The following CTDSP1 variants were observed in gnomAD, a reference collection of about 807,000 sequenced individuals.
The protein encoded by CTDSP1 is carboxy-terminal domain RNA polymerase II polypeptide A small phosphatase 1.
Under a neutral mutation model 32.5 loss-of-function variants are expected in CTDSP1, and 15 were observed. That is an observed-to-expected ratio of 0.46 (90% CI 0.31 to 0.71). CTDSP1 has a LOEUF of 0.71. CTDSP1 is among the 30% of genes least tolerant of loss of function. The pLI, the probability that CTDSP1 is intolerant of heterozygous loss-of-function variation, is 0.05. For synonymous variants in CTDSP1, 185 were observed against 145.4 expected, an observed-to-expected ratio of 1.27 and a Z score of -1.96; for missense variants, 294 against 351.1, an observed-to-expected ratio of 0.84 and a Z score of 1.30.
At chr2:218,402,995 C>A in intron 4 of CTDSP1, 40 bp from the exon 5 acceptor site, 1 of 1,494,370 alleles carries the variant, frequency 6.7e-7, no homozygotes, top group Non-Finnish European at 9.3e-7. Context: ...CCCCACACTG[C>A]CCCACTGGCC....
upstream of CTDSP1, among the ~76,000 whole-genome samples, chr2:218,397,472 C>T (rs1157629795): frequency 6.6e-6 from 1 of 152,190 alleles, no homozygotes; most frequent in Non-Finnish European, 1.5e-5. Flanking sequence ...GGCTCCCCGC[C>T]TCCCCCTGGG....
intron 1 of CTDSP1, 154 bp from the exon 2 acceptor site, chr2:218,401,410 G>T (rs1008016951): frequency 6.5e-6 from 5 of 773,500 alleles, no homozygotes; most frequent in Admixed American, 5.5e-5. Context: ...CCCTGACAGG[G>T]GCGTTTCAGA....
In CTDSP1 at chr2:218,403,029, C is replaced by T. The variant is rs193256483; in HGVS notation, c.379-6C>T. 1.3e-4 allele frequency: 204 copies of T among 1,613,428 alleles called. No individual in the cohort carries two copies. In the African/African-American group the frequency reaches 2.3e-3, roughly 19 times the overall value. ...CCCGCAGCCCCCTCACTGGCCCGCC[C>T]CCCAGGTCTACGTGTTGAAGCGTCC... is the stretch of plus-strand genomic sequence containing the variant. On this transcript the variant is annotated splice_polypyrimidine_tract_variant and splice_region_variant and intron_variant, in intron 4 of 6. Transcript: ENST00000273062.
intron 6 of CTDSP1, 57 bp from the exon 7 acceptor site, chr2:218,404,240 G>A (rs1697303001): frequency 4.4e-6 from 7 of 1,592,042 alleles, no homozygotes; most frequent in African/African-American, 1.3e-5. Flanking sequence ...GGCTGGCCTG[G>A]AAATTCTGCA....
chr2:218,400,839 G>T (rs979865227), intron 1 of CTDSP1: 1 of 455,772 alleles, frequency 2.2e-6, no homozygotes, highest in Admixed American at 2.4e-5. Context: ...GGCCGGGGTG[G>T]GGGGGTCTGT....
Position 218,400,117 on chromosome 2 carries a change from G to C in CTDSP1, c.27G>C (p.Gln9His). 2 of 1,545,164 alleles carry C rather than the reference G, an allele frequency of 1.3e-6. No homozygotes were observed. Among genetic ancestry groups the C allele is most frequent in the Non-Finnish European group, 1.7e-6 (2 of 1,145,092 alleles). ...TGGACAGCTCGGCCGTCATTACTCA[G>C]ATCAGCAAGGAGGAGGCTCGGGGCC... MDSSAVITQISKEEARGPL... is the reference protein window; with the variant it reads MDSSAVITHISKEEARGPL... The change falls in exon 1 of 7, where the codon CAG becomes CAC. Residue 9 changes from glutamine to histidine, a missense_variant. Gln to His is a conservative substitution (Grantham distance 24, BLOSUM62 0). This residue lies in a region of CTDSP1 where 148 missense variants were observed against 113.3 expected (regional missense o/e 1.31). Coordinates refer to ENST00000273062, the MANE Select transcript of CTDSP1 (RefSeq NM_021198.3).
intron 1 of CTDSP1, chr2:218,400,943 A>C: frequency 2.2e-6 from 1 of 450,048 alleles, no homozygotes; most frequent in Non-Finnish European, 4.5e-6. Flanking sequence ...AACTGAGGGC[A>C]AGGTGGAAAG....
upstream of CTDSP1, among the ~76,000 whole-genome samples, chr2:218,397,189 G>C (rs1441609644): frequency 6.6e-6 from 1 of 152,152 alleles, no homozygotes; most frequent in African/African-American, 2.4e-5. Context: ...AAGACACGGA[G>C]ACCCGGCTAA....
chr2:218,400,920 C>G (rs1208551737), intron 1 of CTDSP1: 1 of 445,468 alleles, frequency 2.2e-6, no homozygotes, highest in Non-Finnish European at 4.5e-6. Flanking sequence ...TCGCCTGGGT[C>G]TGGCTGCCCC....
At chr2:218,402,850 A>G in intron 4 of CTDSP1, 185 bp from the exon 5 acceptor site, 1 of 662,740 alleles carries the variant, frequency 1.5e-6, no homozygotes. Flanking sequence ...GGAAGTTTTG[A>G]TCGTTTTCTG....
upstream of CTDSP1, chr2:218,399,655 C>T: frequency 1.1e-6 from 1 of 878,288 alleles, no homozygotes. Flanking sequence ...GCCGGGCCTG[C>T]CACGCAGCCG....
chr2:218,400,109 A>G lies in CTDSP1; in HGVS notation c.19A>G (p.Ile7Val), dbSNP rs919485493. MDSSAV[I>V]TQISKEEARG... Reference sequence around the variant, plus strand: ...CGGCCCCATGGACAGCTCGGCCGTCATTACTCAGATCAGCAAGGAGGAGGC... The same window carrying G: ...CGGCCCCATGGACAGCTCGGCCGTCGTTACTCAGATCAGCAAGGAGGAGGC... The change falls in exon 1 of 7, where the codon ATT becomes GTT. Residue 7 changes from isoleucine to valine, a missense_variant. By Grantham distance (29) the Ile-to-Val change is conservative (BLOSUM62 3). Coordinates refer to ENST00000273062, the MANE Select transcript of CTDSP1 (RefSeq NM_021198.3). The G allele has an allele frequency of 2.3e-5, 36 of 1,541,660 alleles. No individual in the cohort carries two copies. The highest frequency in any genetic ancestry group is 1.9e-4 in the Middle Eastern group (1 of 5,170).
chr2:218,402,068 G>A, intron 2 of CTDSP1, 43 bp from the exon 3 acceptor site: 1 of 1,373,676 alleles, frequency 7.3e-7, no homozygotes, highest in Non-Finnish European at 1.0e-6. Flanking sequence ...GGAAGGACCA[G>A]GCCCGGAGAG....
At position 218,400,398 on chromosome 2, in the gene CTDSP1, G is replaced by T. The variant is rs1300104861; in HGVS notation, c.67+241G>T. ...GCTCGAGGTGAGGAAACTGAGGCAGGAATAGAGAGGGAACTCTTCGGGGGT... is the reference window on the plus strand; with the variant it reads ...GCTCGAGGTGAGGAAACTGAGGCAGTAATAGAGAGGGAACTCTTCGGGGGT... On this transcript the variant is annotated intron_variant, in intron 1 of 6. Transcript: ENST00000273062. 1.0e-5 allele frequency: 6 copies of T among 582,150 alleles called. No homozygotes were observed. The African/African-American group carries it at 1.4e-4, about 13-fold the overall frequency. The allele number at this position is 582,150 out of a possible 1,614,324, so 36.1% of individuals were successfully genotyped here. A position where few individuals can be genotyped will look rare whatever the true frequency, so the allele number is the denominator to read the frequency against.
upstream of CTDSP1, chr2:218,398,943 G>T (rs115181895): frequency 6.6e-6 from 1 of 152,302 alleles, no homozygotes; most frequent in African/African-American, 2.4e-5. Context: ...GGCCTTGAGG[G>T]CCTCTGGTTT....
At position 218,403,340 on chromosome 2, in the gene CTDSP1, C is replaced by T; in HGVS notation, c.580C>T (p.Arg194Trp). The change falls in exon 6 of 7, where the codon CGG (arginine) becomes TGG (tryptophan). Residue 194 changes from arginine to tryptophan, a missense_variant. Coordinates refer to ENST00000273062, the MANE Select transcript of CTDSP1 (RefSeq NM_021198.3). Reference sequence around the variant, plus strand: ...GGGGAACTACGTGAAGGACCTGAGCCGGTTGGGTCGAGACCTGCGGCGGGT... The same window carrying T: ...GGGGAACTACGTGAAGGACCTGAGCTGGTTGGGTCGAGACCTGCGGCGGGT... ...HRGNYVKDLS[R>W]LGRDLRRVLI... 2 of 1,614,090 alleles carry T rather than the reference C, an allele frequency of 1.2e-6. No individual in the cohort carries two copies. The highest frequency in any genetic ancestry group is 8.5e-7 in the Non-Finnish European group (1 of 1,179,992).
chr2:218,400,214 G>A (rs1697042202), intron 1 of CTDSP1, 57 bp downstream of exon 1: 2 of 1,474,758 alleles, frequency 1.4e-6, no homozygotes, highest in Admixed American at 2.3e-5. Flanking sequence ...GAGAGAAGGG[G>A]CCGGGATCTT....
chr2:218,402,560 C>T (rs1697205060), intron 4 of CTDSP1, 155 bp downstream of exon 4: 9 of 829,024 alleles, frequency 1.1e-5, no homozygotes, highest in Admixed American at 3.9e-5. Context: ...TCACACAGAA[C>T]CTCAAGGGCT....
chr2:218,398,400 G>C, upstream of CTDSP1: 1 of 1,535,392 alleles, frequency 6.5e-7, no homozygotes, highest in Non-Finnish European at 8.7e-7. Flanking sequence ...GGCGATCACG[G>C]TGATGAAGCG....
Sources: allele counts gnomAD v4.1 joint callset (sites outside exome capture counted in the v4.1 genomes callset), GRCh38; gene constraint gnomAD v4.1.1; regional missense constraint gnomAD v4.1.1; transcripts MANE v1.5; gene names NCBI Gene and HGNC (gene_info 2026-07-23, HGNC 2026-07-21).